Variants in FMNL2 observed in about 807,000 individuals in gnomAD.
The protein encoded by FMNL2 is formin-like protein 2.
FMNL2 carries 51 observed loss-of-function variants against 130.2 expected under a neutral mutation model. That is an observed-to-expected ratio of 0.39 (90% CI 0.31 to 0.49). The LOEUF is 0.49. Ranked by LOEUF, FMNL2 falls within the 20% of genes least tolerant of loss-of-function variation. FMNL2 has a pLI of 0.85. For synonymous variants in FMNL2, 465 were observed against 467.1 expected, an observed-to-expected ratio of 1.00 and a Z score of 0.06; for missense variants, 977 against 1,316.2, an observed-to-expected ratio of 0.74 and a Z score of 3.99.
At chr2:152,617,014 G>A in intron 12 of FMNL2, 77 bp from the exon 13 acceptor site, 2 of 1,264,430 alleles carry the variant, frequency 1.6e-6, no homozygotes, top group Admixed American at 1.9e-5. Context: ...AATAATCTTG[G>A]AGCTGCACTT....
chr2:152,390,959 G>A (rs1375611768), intron 1 of FMNL2, among the ~76,000 whole-genome samples: 1 of 152,238 alleles, frequency 6.6e-6, no homozygotes, highest in African/African-American at 2.4e-5. Flanking sequence ...AAGAGACAGA[G>A]GCAGATAGGA....
At chr2:152,595,276 ATCTT>A (rs1169300381) in intron 9 of FMNL2, among the ~76,000 whole-genome samples, 1 of 152,110 alleles carries the variant, frequency 6.6e-6, no homozygotes, top group African/African-American at 2.4e-5. Flanking sequence ...AAAGATAATG[ATCTT>A]TTTGTTCCTT....
intron 4 of FMNL2, 51 bp from the exon 5 acceptor site, chr2:152,558,689 A>T: frequency 6.6e-7 from 1 of 1,507,358 alleles, no homozygotes; most frequent in Non-Finnish European, 9.1e-7. Flanking sequence ...GTTCCATGGC[A>T]GGTCATGTGA....
At chr2:152,429,650 A>G (rs145089097) in intron 1 of FMNL2, among the ~76,000 whole-genome samples, 1 of 150,440 alleles carries the variant, frequency 6.6e-6, no homozygotes, top group East Asian at 1.9e-4. Flanking sequence ...CTTCTGTGGC[A>G]TCTATCTTCA....
chr2:152,335,754 C>A, intron 1 of FMNL2, 34 bp downstream of exon 1: 2 of 1,490,554 alleles, frequency 1.3e-6, no homozygotes, highest in Admixed American at 2.2e-5. Context: ...CGCGGGGACC[C>A]GGGGCCCCGG....
In FMNL2 at chr2:152,529,701, C is replaced by G. The variant is rs142658720; in HGVS notation, c.201+7675C>G. On this transcript the variant is annotated intron_variant, in intron 2 of 25. Transcript: ENST00000288670. ...TACGTCTTTCCTCTTCTAGAGGTTT[C>G]CTTTGGCCTATAGCTTTCACATGGG... 2.7e-3 allele frequency among the ~76,000 whole-genome samples: 411 copies of G among 152,210 alleles called. 9 individuals are homozygous for G. The highest frequency in any genetic ancestry group is 0.017 in the Admixed American group (260 of 15,278).
chr2:152,538,419 A>G (rs1694121239), intron 2 of FMNL2, among the ~76,000 whole-genome samples: 2 of 152,138 alleles, frequency 1.3e-5, no homozygotes, highest in African/African-American at 4.8e-5. Flanking sequence ...AGCTGGGATT[A>G]CAGGCACGCG....
intron 1 of FMNL2, among the ~76,000 whole-genome samples, chr2:152,506,082 C>A (rs537947852): frequency 7.2e-5 from 11 of 152,256 alleles, no homozygotes; most frequent in Admixed American, 2.0e-4. Flanking sequence ...GCCAAGGTAA[C>A]TAGGGTGCTG....
chr2:152,532,913 T>C (rs1373288322), intron 2 of FMNL2, among the ~76,000 whole-genome samples: 2 of 152,164 alleles, frequency 1.3e-5, no homozygotes, highest in African/African-American at 2.4e-5. Context: ...TGGCCTCTTT[T>C]GCCTATTTTT....
At chr2:152,527,720 A>G (rs958497442) in intron 2 of FMNL2, among the ~76,000 whole-genome samples, 7 of 152,048 alleles carry the variant, frequency 4.6e-5, no homozygotes, top group African/African-American at 1.7e-4. Flanking sequence ...ATTATTTTTG[A>G]GGCTCATATG....
chr2:152,361,492 G>A (rs1373639853), intron 1 of FMNL2, among the ~76,000 whole-genome samples: 3 of 151,902 alleles, frequency 2.0e-5, no homozygotes, highest in Non-Finnish European at 4.4e-5. Context: ...CTACATCTGC[G>A]CCTCTTGACT....
At chr2:152,467,867 A>G (rs969961553) in intron 1 of FMNL2, among the ~76,000 whole-genome samples, 1 of 152,188 alleles carries the variant, frequency 6.6e-6, no homozygotes, top group Non-Finnish European at 1.5e-5. Context: ...TGTGTGTTTT[A>G]GCTCATTTAA....
At chr2:152,477,109 G>A (rs988457722) in intron 1 of FMNL2, among the ~76,000 whole-genome samples, 1 of 152,122 alleles carries the variant, frequency 6.6e-6, no homozygotes, top group African/African-American at 2.4e-5. Flanking sequence ...GAAAAGATAG[G>A]GCAAGTAGCT....
chr2:152,400,406 A>G (rs892668361), intron 1 of FMNL2, among the ~76,000 whole-genome samples: 1 of 152,114 alleles, frequency 6.6e-6, no homozygotes, highest in Non-Finnish European at 1.5e-5. Context: ...ACTGCACTCC[A>G]GGCCTGGGTG....
chr2:152,405,593 C>T (rs757609421), intron 1 of FMNL2, among the ~76,000 whole-genome samples: 18 of 152,234 alleles, frequency 1.2e-4, no homozygotes, highest in Non-Finnish European at 2.2e-4. Flanking sequence ...GTCTACCTTG[C>T]GTGCCAGGTG....
chr2:152,510,321 C>T (rs1003234920), intron 1 of FMNL2, among the ~76,000 whole-genome samples: 9 of 152,160 alleles, frequency 5.9e-5, no homozygotes, highest in African/African-American at 1.9e-4. Flanking sequence ...TATTGGGGTA[C>T]TGTGGCTGTA....
rs1179178340 is a variant in FMNL2, at chr2:152,618,868, C to G, written c.1337C>G (p.Thr446Ser). Residue 446 changes from threonine to serine, a missense_variant, in exon 14 of 26, where the codon ACT becomes AGT. This residue lies in a region of FMNL2 where 689 missense variants were observed against 995.9 expected (regional missense o/e 0.69). Coordinates refer to ENST00000288670, the MANE Select transcript of FMNL2 (RefSeq NM_052905.4). ...CAGGAAATCTACAAAGATGCAAATACTCAAGTTCACACATTAAGAAAAATG... is the reference window on the plus strand; with the variant it reads ...CAGGAAATCTACAAAGATGCAAATAGTCAAGTTCACACATTAAGAAAAATG... ...VVREIYKDAN[T>S]QVHTLRKMVK... 1.2e-6 allele frequency: 2 copies of G among 1,603,056 alleles called. No homozygotes were observed. Among genetic ancestry groups the G allele is most frequent in the Non-Finnish European group, 8.5e-7 (1 of 1,175,374 alleles).
At chr2:152,392,129 A>G (rs190542776) in intron 1 of FMNL2, among the ~76,000 whole-genome samples, 1 of 152,260 alleles carries the variant, frequency 6.6e-6, no homozygotes, top group East Asian at 1.9e-4. Flanking sequence ...TTTGCCTAAT[A>G]TCTTAGTTGT....
chr2:152,512,131 C>T (rs1692526308), intron 1 of FMNL2, among the ~76,000 whole-genome samples: 1 of 152,100 alleles, frequency 6.6e-6, no homozygotes, highest in Non-Finnish European at 1.5e-5. Context: ...TTGTGTAACT[C>T]CCTCATTCAG....
Sources: gnomAD v4.1 joint callset for allele counts (sites outside exome capture counted in the v4.1 genomes callset) on GRCh38, gnomAD v4.1.1 for gene constraint, gnomAD v4.1.1 regional missense constraint, MANE v1.5 for transcripts, NCBI Gene and HGNC (gene_info 2026-07-23, HGNC 2026-07-21) for gene names.